Variants in FSCN2 observed in about 807,000 individuals in gnomAD.
FSCN2 encodes the protein fascin-2.
A neutral mutation model predicts 37.8 loss-of-function variants in FSCN2; 46 were observed. That is an observed-to-expected ratio of 1.22 (90% CI 0.96 to 1.56). The LOEUF (loss-of-function observed/expected upper bound fraction) is 1.56. FSCN2 is among the 40% of genes most tolerant of loss of function. The pLI is 0.00. For missense variants in FSCN2, 844 were observed against 730.4 expected (o/e 1.16, Z -1.79); for synonymous variants, 351 against 309.4 (o/e 1.13, Z -1.41).
intron 4 of FSCN2, 22 bp downstream of exon 4, chr17:81,536,811 C>G (rs935296117): frequency 1.9e-6 from 3 of 1,561,144 alleles, no homozygotes; most frequent in Admixed American, 1.8e-5. Context: ...GGCGGGTGGG[C>G]ACGCGGGAGC....
In FSCN2 at chr17:81,536,867, T is replaced by A; in HGVS notation, c.1274-8T>A. 6.4e-7 allele frequency: 1 copy of A among 1,564,278 alleles called. No homozygotes were observed. Among genetic ancestry groups the A allele is most frequent in the Non-Finnish European group, 8.7e-7 (1 of 1,154,712 alleles). On this transcript the variant is annotated splice_polypyrimidine_tract_variant and splice_region_variant and intron_variant, in intron 4 of 4. Transcript: ENST00000417245. Reference sequence around the variant, plus strand: ...GGGCACCCCCGCCGACGCCGTCCCGTCCCCCAGGCCGCGACGGAGGGTTCT... The same window carrying A: ...GGGCACCCCCGCCGACGCCGTCCCGACCCCCAGGCCGCGACGGAGGGTTCT...
the FSCN2 span, among the ~76,000 whole-genome samples, chr17:81,518,482 G>C: frequency 6.6e-6 from 1 of 152,128 alleles, no homozygotes; most frequent in Admixed American, 6.5e-5. Context: ...CTGGAGGAGG[G>C]AGCGCAGAGG....
the FSCN2 span, among the ~76,000 whole-genome samples, chr17:81,517,985 C>CA: frequency 3.3e-5 from 5 of 152,242 alleles, no homozygotes; most frequent in Non-Finnish European, 5.9e-5. Flanking sequence ...CCTGGCAGTG[C>CA]GCGTCCTGCA....
chr17:81,524,486 G>A (rs2032289865), upstream of FSCN2, among the ~76,000 whole-genome samples: 1 of 152,240 alleles, frequency 6.6e-6, no homozygotes. Flanking sequence ...GGTGGGGCGT[G>A]GAGCCCTCAG....
At chr17:81,533,054 A>G (rs1432822958) in intron 1 of FSCN2, among the ~76,000 whole-genome samples, 1 of 152,122 alleles carries the variant, frequency 6.6e-6, no homozygotes, top group Non-Finnish European at 1.5e-5. Context: ...GTCCTGGGGC[A>G]TGGAACCTCA....
At chr17:81,531,070 G>A (rs2032532378) in intron 1 of FSCN2, among the ~76,000 whole-genome samples, 1 of 152,228 alleles carries the variant, frequency 6.6e-6, no homozygotes, top group Non-Finnish European at 1.5e-5. Context: ...CGTGGCCGTG[G>A]CATTGTGGTG....
chr17:81,535,854 ACCATCCCCCTCTCCATCC>A (rs1304755483), intron 2 of FSCN2, among the ~76,000 whole-genome samples: 3 of 93,894 alleles, frequency 3.2e-5, no homozygotes, highest in East Asian at 2.9e-4. Flanking sequence ...CATCTCCATC[ACCATCCCCCTCTCCATCC>A]CCATCCCCAT....
the FSCN2 span, among the ~76,000 whole-genome samples, chr17:81,515,277 C>T: frequency 2.6e-5 from 4 of 152,104 alleles, no homozygotes; most frequent in Non-Finnish European, 4.4e-5. Context: ...AGGGCAGCCG[C>T]CACCCTTCTG....
At chr17:81,536,816 G>A (rs781501882) in intron 4 of FSCN2, 27 bp downstream of exon 4, 4 of 1,558,692 alleles carry the variant, frequency 2.6e-6, no homozygotes, top group Admixed American at 1.9e-5. Flanking sequence ...GTGGGCACGC[G>A]GGAGCGGGGG....
At position 81,528,619 on chromosome 17, in the gene FSCN2, G is replaced by T. The variant is rs781809699; in HGVS notation, c.88G>T (p.Gly30Cys). ...CCGCTACCTGACAGCTGAGAGCTTC[G>T]GCTTCAAGGTCAATGCCTCGGCACC... Reference protein sequence around the residue: ...TDRYLTAESFGFKVNASAPSL... With the variant: ...TDRYLTAESFCFKVNASAPSL... Residue 30 changes from glycine (G) to cysteine (C), a missense_variant, in exon 1 of 5, where the codon GGC becomes TGC. Gly to Cys is a radical substitution (Grantham distance 159, BLOSUM62 -3). Transcript: ENST00000417245. 1.2e-6 allele frequency: 2 copies of T among 1,607,016 alleles called. No homozygotes were observed. The highest frequency in any genetic ancestry group is 1.3e-5 in the African/African-American group (1 of 74,946).
intron 2 of FSCN2, among the ~76,000 whole-genome samples, 165 bp from the exon 3 acceptor site, chr17:81,535,981 C>G (rs1476066765): frequency 6.6e-6 from 1 of 151,636 alleles, no homozygotes; most frequent in Non-Finnish European, 1.5e-5. Context: ...GCAGCTCAGT[C>G]AGAAAGGAAA....
the FSCN2 span, among the ~76,000 whole-genome samples, chr17:81,516,163 C>T: frequency 6.6e-6 from 1 of 152,248 alleles, no homozygotes; most frequent in Non-Finnish European, 1.5e-5. Context: ...TCATCTTCCA[C>T]CACTAAATGA....
the FSCN2 span, among the ~76,000 whole-genome samples, chr17:81,522,291 A>G: frequency 6.6e-6 from 1 of 152,148 alleles, no homozygotes; most frequent in African/African-American, 2.4e-5. Context: ...AGCCCGGCCA[A>G]ACTATCATAC....
the FSCN2 span, among the ~76,000 whole-genome samples, chr17:81,515,843 T>C: frequency 6.6e-6 from 1 of 152,278 alleles, no homozygotes; most frequent in African/African-American, 2.4e-5. Context: ...ACTTTTTCTT[T>C]ATATTTTATT....
At chr17:81,531,867 ATGATGGTGATGATGG>A (rs1335328038) in intron 1 of FSCN2, among the ~76,000 whole-genome samples, 11 of 51,110 alleles carry the variant, frequency 2.2e-4, no homozygotes, top group South Asian at 7.3e-4. Context: ...GGTGATGGCG[ATGATGGTGATGATGG>A]TGATGGCGAT....
In FSCN2 at chr17:81,528,872, C is replaced by T; in HGVS notation, c.341C>T (p.Thr114Ile). ...CCGCACGGCCGCTTCTTCGGAGGCA[C>T]CGAGGACCAGCTGTCCTGCTTCGCC... ...SEPHGRFFGG[T>I]EDQLSCFATA... The change falls in exon 1 of 5, where the codon ACC becomes ATC. Residue 114 changes from threonine to isoleucine, a missense_variant. Thr to Ile is a moderately conservative substitution (Grantham distance 89). Transcript: ENST00000417245. 6.4e-7 allele frequency: 1 copy of T among 1,565,540 alleles called. No individual in the cohort carries two copies. The highest frequency in any genetic ancestry group is 8.6e-7 in the Non-Finnish European group (1 of 1,158,656).
chr17:81,525,425 C>CAAAGAAAAAAAAAAAAAAA (rs2032321322), upstream of FSCN2, among the ~76,000 whole-genome samples: 1 of 47,856 alleles, frequency 2.1e-5, no homozygotes, highest in Non-Finnish European at 4.2e-5. Context: ...GACTCTGTCT[C>CAAAGAAAAAAAAAAAAAAA]AAAAAAAAAA....
intron 1 of FSCN2, among the ~76,000 whole-genome samples, chr17:81,529,962 A>C (rs1324616397): frequency 2.0e-5 from 3 of 152,188 alleles, no homozygotes; most frequent in Non-Finnish European, 4.4e-5. Flanking sequence ...GGCGCCCGCC[A>C]CCACGCCCGG....
chr17:81,535,761 C>T (rs1367252509), intron 2 of FSCN2, among the ~76,000 whole-genome samples: 1 of 84,910 alleles, frequency 1.2e-5, no homozygotes, highest in Non-Finnish European at 2.5e-5. Context: ...CCTCACCATC[C>T]TCATCCCCAT....
Sources: allele counts gnomAD v4.1 joint callset (sites outside exome capture counted in the v4.1 genomes callset), GRCh38; gene constraint gnomAD v4.1.1; transcripts MANE v1.5; gene names NCBI Gene and HGNC (gene_info 2026-07-23, HGNC 2026-07-21).